Variants in NTRK3 observed in about 807,000 individuals in gnomAD.
NTRK3 encodes the protein NT-3 growth factor receptor.
A neutral mutation model predicts 91.7 loss-of-function variants in NTRK3; 24 were observed. That is an observed-to-expected ratio of 0.26 (90% CI 0.19 to 0.37). The LOEUF is 0.37. Among genes scored for constraint, NTRK3 ranks in the 10% least tolerant of loss-of-function variants. The pLI is 1.00. For missense variants in NTRK3, 880 were observed against 1,068.9 expected, an observed-to-expected ratio of 0.82 and a Z score of 2.46; for synonymous variants, 483 against 404.0, an observed-to-expected ratio of 1.20 and a Z score of -2.34.
chr15:88,161,491 C>G (rs1199013062), intron 5 of NTRK3, among the ~76,000 whole-genome samples: 2 of 152,198 alleles, frequency 1.3e-5, no homozygotes, highest in African/African-American at 4.8e-5. Flanking sequence ...TTTGGAAAGC[C>G]TTCCTCACCC....
chr15:88,154,899 G>GA (rs1214992438), intron 5 of NTRK3, among the ~76,000 whole-genome samples: 1 of 152,200 alleles, frequency 6.6e-6, no homozygotes, highest in Non-Finnish European at 1.5e-5. Flanking sequence ...CTGGAGCATA[G>GA]AATCTTCTCC....
intron 5 of NTRK3, among the ~76,000 whole-genome samples, chr15:88,173,960 T>C (rs913135687): frequency 1.3e-5 from 2 of 152,258 alleles, no homozygotes; most frequent in Non-Finnish European, 2.9e-5. Flanking sequence ...CTTGCTATTA[T>C]GAGCATGAAA....
intron 13 of NTRK3, among the ~76,000 whole-genome samples, chr15:88,104,555 C>G (rs2050506116): frequency 6.6e-6 from 1 of 152,196 alleles, no homozygotes; most frequent in Non-Finnish European, 1.5e-5. Flanking sequence ...TTGACAGCCT[C>G]ATGATGGTGG....
intron 13 of NTRK3, among the ~76,000 whole-genome samples, chr15:88,090,880 A>C (rs1291023392): frequency 6.6e-6 from 1 of 152,180 alleles, no homozygotes; most frequent in Non-Finnish European, 1.5e-5. Flanking sequence ...TTCCAGGACA[A>C]CTTGGATGCA....
chr15:87,921,360 T>C (rs752963216), intron 17 of NTRK3, among the ~76,000 whole-genome samples: 1 of 152,106 alleles, frequency 6.6e-6, no homozygotes, highest in South Asian at 2.1e-4. Flanking sequence ...TACTTAGGAG[T>C]ACCTAATGGC....
In NTRK3 at chr15:87,863,974, T is replaced by TAC. The variant is rs3217416; in HGVS notation, c.*12959_*12960dup. The TAC allele has an allele frequency of 2.6e-3, 553 of 211,532 alleles. 5 individuals are homozygous for TAC. Among genetic ancestry groups the TAC allele is most frequent in the Middle Eastern group, 4.3e-3 (3 of 702 alleles). The allele number at this position is 211,532 out of a possible 1,614,324, so 13.1% of individuals were successfully genotyped here. On this transcript the variant is annotated 3_prime_UTR_variant, in exon 19 of 19. Coordinates refer to ENST00000394480, the Ensembl canonical transcript of NTRK3. ...GCCTTTAACCCCCCACCAGGCAAAA[T>TAC]ACACACACACACACACACATACACA...
chr15:87,987,024 C>G (rs2074869750), intron 14 of NTRK3, among the ~76,000 whole-genome samples: 1 of 152,234 alleles, frequency 6.6e-6, no homozygotes, highest in African/African-American at 2.4e-5. Flanking sequence ...CTTTTTTACT[C>G]AAAGTGCAGG....
At chr15:88,169,852 T>C (rs1004168606) in intron 5 of NTRK3, among the ~76,000 whole-genome samples, 7 of 152,134 alleles carry the variant, frequency 4.6e-5, no homozygotes, top group African/African-American at 9.7e-5. Context: ...CTTGCACCCA[T>C]CCTTAGGTTT....
chr15:88,066,677 T>C (rs192644056), intron 13 of NTRK3, among the ~76,000 whole-genome samples: 33 of 152,274 alleles, frequency 2.2e-4, no homozygotes, highest in African/African-American at 6.3e-4. Flanking sequence ...TCACCCGCCC[T>C]GAGGACCTGC....
intron 14 of NTRK3, among the ~76,000 whole-genome samples, chr15:87,947,360 T>TC (rs1402931084): frequency 6.6e-6 from 1 of 151,718 alleles, no homozygotes; most frequent in Non-Finnish European, 1.5e-5. Context: ...ACAGCCCCCT[T>TC]CAACCCCTGC....
At chr15:88,048,761 T>C (rs2080496960) in intron 13 of NTRK3, among the ~76,000 whole-genome samples, 1 of 152,122 alleles carries the variant, frequency 6.6e-6, no homozygotes, top group African/African-American at 2.4e-5. Context: ...AAAATGAAAA[T>C]CAAGATCTTG....
At chr15:88,045,286 G>A (rs1440059587) in intron 13 of NTRK3, among the ~76,000 whole-genome samples, 1 of 152,274 alleles carries the variant, frequency 6.6e-6, no homozygotes, top group South Asian at 2.1e-4. Context: ...AAAGCAGTAA[G>A]GAACCTGTCT....
chr15:88,140,492 G>C (rs1189124276), intron 6 of NTRK3, among the ~76,000 whole-genome samples: 1 of 152,130 alleles, frequency 6.6e-6, no homozygotes, highest in Non-Finnish European at 1.5e-5. Flanking sequence ...TCAAACTTTT[G>C]GTTTCAGAAC....
At chr15:88,069,965 C>T (rs1181197750) in intron 13 of NTRK3, among the ~76,000 whole-genome samples, 1 of 152,158 alleles carries the variant, frequency 6.6e-6, no homozygotes, top group African/African-American at 2.4e-5. Flanking sequence ...ATCCAGGACA[C>T]CACAGGAAGG....
In NTRK3 at chr15:87,944,620, T is replaced by C. The variant is rs2070246599; in HGVS notation, c.1586-3867A>G. ...GCTGCCTTCGCTCTGTCTTCCCAGC[T>C]TTACGGCCACTAAAATGATCCAGTT... On this transcript the variant is annotated intron_variant, in intron 14 of 18. Transcript: ENST00000394480. Among the ~76,000 whole-genome samples the C allele has an allele frequency of 2.0e-5, 3 of 152,234 alleles. No homozygotes were observed. In the South Asian group the frequency reaches 6.2e-4, roughly 31 times the overall value.
At chr15:88,239,483 T>A (rs1366409606) in intron 3 of NTRK3, among the ~76,000 whole-genome samples, 2 of 152,148 alleles carry the variant, frequency 1.3e-5, no homozygotes, top group African/African-American at 2.4e-5. Context: ...ACAAATCCAC[T>A]TGAGTCTGGA....
intron 3 of NTRK3, among the ~76,000 whole-genome samples, chr15:88,187,040 T>C (rs1310852334): frequency 1.3e-5 from 2 of 152,232 alleles, no homozygotes; most frequent in Non-Finnish European, 2.9e-5. Context: ...CTTTGCAGTG[T>C]GGGGCACATG....
intron 14 of NTRK3, among the ~76,000 whole-genome samples, chr15:87,949,683 C>A (rs2070912263): frequency 6.6e-6 from 1 of 152,174 alleles, no homozygotes; most frequent in African/African-American, 2.4e-5. Context: ...AACACCCAGG[C>A]TCCCAACATC....
chr15:88,163,395 T>C (rs2044643167), intron 5 of NTRK3, among the ~76,000 whole-genome samples: 1 of 152,204 alleles, frequency 6.6e-6, no homozygotes, highest in African/African-American at 2.4e-5. Flanking sequence ...CTTACTGATA[T>C]ATCCCTCCTC....
Sources: allele counts gnomAD v4.1 joint callset (sites outside exome capture counted in the v4.1 genomes callset), GRCh38; gene constraint gnomAD v4.1.1; transcripts MANE v1.5; gene names NCBI Gene and HGNC (gene_info 2026-07-23, HGNC 2026-07-21).